The following PTPRQ variants were observed in gnomAD, a reference collection of about 807,000 sequenced individuals.
The protein encoded by PTPRQ is protein tyrosine phosphatase receptor type Q, also known as phosphatidylinositol phosphatase PTPRQ.
In PTPRQ, 199 loss-of-function variants were observed where a neutral mutation model predicts 246.0. The observed-to-expected ratio is 0.81, with a 90% CI of 0.72 to 0.91. The LOEUF is 0.91. PTPRQ is among the 40% of genes least tolerant of loss of function. The pLI is 0.00. For missense variants in PTPRQ, 2,624 were observed against 2,528.4 expected (o/e 1.04, Z -0.81); for synonymous variants, 869 against 853.2 (o/e 1.02, Z -0.32).
At chr12:80,666,201 A>G (rs1900781308) in intron 39 of PTPRQ, among the ~76,000 whole-genome samples, 2 of 151,932 alleles carry the variant, frequency 1.3e-5, no homozygotes, top group Admixed American at 1.3e-4. Context: ...TAAAGAAAAT[A>G]TGCTGTATAT....
At chr12:80,630,250 CT>C (rs1899374754) in intron 33 of PTPRQ, among the ~76,000 whole-genome samples, 1 of 152,006 alleles carries the variant, frequency 6.6e-6, no homozygotes, top group African/African-American at 2.4e-5. Flanking sequence ...TCCTTCCCCC[CT>C]ATGTCATAGA....
At chr12:80,633,161 G>A (rs1030350935) in intron 34 of PTPRQ, among the ~76,000 whole-genome samples, 1 of 152,070 alleles carries the variant, frequency 6.6e-6, no homozygotes, top group Non-Finnish European at 1.5e-5. Context: ...GAGACAACAA[G>A]GTGAAAACAC....
rs1323857152 is a variant in PTPRQ at position 80,541,545 on chromosome 12, C to T, written c.3155-10C>T. 1 of 1,468,306 alleles carries T rather than the reference C, an allele frequency of 6.8e-7. No homozygotes were observed. The allele number at this position is 1,468,306 out of a possible 1,614,324, so 91.0% of individuals were successfully genotyped here. A position where few individuals can be genotyped will look rare whatever the true frequency, so the allele number is the denominator to read the frequency against. On this transcript the variant is annotated splice_polypyrimidine_tract_variant and intron_variant, in intron 20 of 44. Coordinates refer to ENST00000644991, the MANE Select transcript of PTPRQ (RefSeq NM_001145026.2). ...GATGATTTTTGTATTTTGCCCATTA[C>T]CTATCATAGTACCTGAAGGGTTTGT...
intron 35 of PTPRQ, among the ~76,000 whole-genome samples, chr12:80,646,509 T>A (rs973837691): frequency 1.4e-4 from 22 of 152,160 alleles, no homozygotes; most frequent in Non-Finnish European, 2.9e-4. Flanking sequence ...GGGGTATTTA[T>A]CCACCAACTC....
rs777549999 is a variant in PTPRQ, at chr12:80,635,056, G to A, written c.5898G>A (p.Lys1966=). The A allele has an allele frequency of 6.4e-7, 1 of 1,551,012 alleles. No individual in the cohort carries two copies. The highest frequency in any genetic ancestry group is 1.2e-5 in the South Asian group (1 of 83,920). ...TCACAGTGGCAGACCTGGAACTGAA[G>A]GACGAGAGATTAACGCGGTGAGCAC... ...QLITVADLEL[K]DERLTRLLSY... is the part of the protein sequence containing the mutation. The change falls in exon 35 of 45, where the codon AAG becomes AAA. Residue 1966 remains lysine (K), a synonymous_variant. Coordinates refer to ENST00000644991, the MANE Select transcript of PTPRQ (RefSeq NM_001145026.2).
intron 20 of PTPRQ, 30 bp from the exon 21 acceptor site, chr12:80,541,525 T>G: frequency 3.6e-6 from 5 of 1,408,264 alleles, no homozygotes; most frequent in Non-Finnish European, 3.7e-6. Flanking sequence ...TAACTGATGA[T>G]TTTTGTATTT....
intron 23 of PTPRQ, among the ~76,000 whole-genome samples, chr12:80,543,227 G>A (rs1039420151): frequency 2.0e-5 from 3 of 151,964 alleles, no homozygotes; most frequent in South Asian, 2.1e-4. Flanking sequence ...GCAGCACCAA[G>A]GGAATCTTTT....
chr12:80,462,131 G>A, intron 6 of PTPRQ: 2 of 469,346 alleles, frequency 4.3e-6, no homozygotes, highest in Non-Finnish European at 7.8e-6. Context: ...GGTGACAGAT[G>A]GCACCTGGAA....
chr12:80,676,223 C>G (rs1901132101), intron 43 of PTPRQ, among the ~76,000 whole-genome samples: 1 of 152,154 alleles, frequency 6.6e-6, no homozygotes, highest in Non-Finnish European at 1.5e-5. Context: ...ATTGCAGTTT[C>G]TATGAGGAAT....
chr12:80,604,174 A>G (rs1898234556), intron 26 of PTPRQ, among the ~76,000 whole-genome samples: 1 of 151,576 alleles, frequency 6.6e-6, no homozygotes, highest in Admixed American at 6.6e-5. Flanking sequence ...GTATTTAAAA[A>G]TTGAAAATAT....
chr12:80,547,365 AT>A (rs377083078), intron 24 of PTPRQ, among the ~76,000 whole-genome samples: 43 of 149,908 alleles, frequency 2.9e-4, no homozygotes, highest in East Asian at 5.9e-4. Flanking sequence ...CCTCTTCTTA[AT>A]TTTTTTTTTG....
chr12:80,444,325 T>C lies in PTPRQ; in HGVS notation c.-21T>C, dbSNP rs1288865291. The C allele has an allele frequency of 1.5e-6, 2 of 1,312,972 alleles. No homozygotes were observed. The highest frequency in any genetic ancestry group is 4.0e-5 in the Admixed American group (2 of 49,872). The allele number at this position is 1,312,972 out of a possible 1,614,324, so 81.3% of individuals were successfully genotyped here. A position where few individuals can be genotyped will look rare whatever the true frequency, so the allele number is the denominator to read the frequency against. On this transcript the variant is annotated 5_prime_UTR_variant, in exon 1 of 45. Transcript: ENST00000644991. ...TCTAGAGCCATCAATGTGATTCTAC[T>C]GGCTGAAAAATGTAATAAAGATGGA...
chr12:80,588,440 A>G lies in PTPRQ; in HGVS notation c.4597A>G (p.Thr1533Ala), dbSNP rs572534554. Residue 1533 changes from threonine to alanine, a missense_variant, in exon 26 of 45, where the codon ACT becomes GCT. Thr to Ala is a moderately conservative substitution (Grantham distance 58). Coordinates refer to ENST00000644991, the MANE Select transcript of PTPRQ (RefSeq NM_001145026.2). ...TGCTTCAAACTGGATTTCTACAAAAACTCTGCCTGGCCGTGAGTATTGTCC... is the reference window on the plus strand; with the variant it reads ...TGCTTCAAACTGGATTTCTACAAAAGCTCTGCCTGGCCGTGAGTATTGTCC... The part of the protein sequence containing the change: ...GNASNWISTK[T>A]LPGPPDGPPE... 48 of 1,479,186 alleles carry G rather than the reference A, an allele frequency of 3.2e-5. No individual in the cohort carries two copies. Among genetic ancestry groups the G allele is most frequent in the Non-Finnish European group, 4.0e-5 (44 of 1,113,782 alleles). The allele number at this position is 1,479,186 out of a possible 1,614,324, so 91.6% of individuals were successfully genotyped here.
chr12:80,503,844 A>G (rs1274794607), intron 14 of PTPRQ, among the ~76,000 whole-genome samples: 2 of 151,482 alleles, frequency 1.3e-5, no homozygotes, highest in African/African-American at 2.4e-5. Context: ...TTGTCTGAAT[A>G]TGTTTTTAGT....
chr12:80,611,841 C>T (rs1011726293), intron 28 of PTPRQ, among the ~76,000 whole-genome samples: 6 of 150,350 alleles, frequency 4.0e-5, no homozygotes, highest in East Asian at 1.9e-4. Context: ...AGCATAAAAA[C>T]GTGTAGTAAC....
At chr12:80,484,735 G>C in intron 9 of PTPRQ, 130 bp downstream of exon 9, 1 of 1,100,868 alleles carries the variant, frequency 9.1e-7, no homozygotes, top group South Asian at 1.8e-5. Context: ...AAGTAAATTT[G>C]GGGCATGTTG....
At chr12:80,557,099 A>C (rs747783626) in intron 25 of PTPRQ, among the ~76,000 whole-genome samples, 6 of 152,190 alleles carry the variant, frequency 3.9e-5, no homozygotes, top group Non-Finnish European at 5.9e-5. Flanking sequence ...ATCTCTTTAG[A>C]TGGAGGATTT....
At chr12:80,613,918 G>C in intron 29 of PTPRQ, 82 bp downstream of exon 29, 1 of 1,376,182 alleles carries the variant, frequency 7.3e-7, no homozygotes, top group Non-Finnish European at 9.4e-7. Flanking sequence ...TGCAGTTTGT[G>C]TACACATGAC....
intron 8 of PTPRQ, among the ~76,000 whole-genome samples, chr12:80,483,968 A>C (rs1411016892): frequency 6.9e-6 from 1 of 144,860 alleles, no homozygotes; most frequent in South Asian, 2.2e-4. Flanking sequence ...GTTTTTGTCT[A>C]TTTTCTTTCT....
Sources: allele counts gnomAD v4.1 joint callset (sites outside exome capture counted in the v4.1 genomes callset), GRCh38; gene constraint gnomAD v4.1.1; transcripts MANE v1.5; gene names NCBI Gene and HGNC (gene_info 2026-07-23, HGNC 2026-07-21).